Variants in ARL14EP observed in about 807,000 individuals in gnomAD.
ARL14EP encodes the protein ARF like GTPase 14 effector protein, also known as ARL14 effector protein.
ARL14EP carries 12 observed loss-of-function variants against 23.1 expected under a neutral mutation model. That is an observed-to-expected ratio of 0.52 (90% confidence interval 0.33 to 0.84). ARL14EP has a LOEUF of 0.84. ARL14EP is among the 40% of genes least tolerant of loss of function. The pLI is 0.02. For missense variants in ARL14EP, 253 were observed against 307.3 expected, an observed-to-expected ratio of 0.82 and a Z score of 1.32; for synonymous variants, 97 against 102.0, an observed-to-expected ratio of 0.95 and a Z score of 0.29.
chr11:30,336,418 G>C, intron 3 of ARL14EP, 149 bp from the exon 4 acceptor site: 2 of 709,116 alleles, frequency 2.8e-6, no homozygotes, highest in Non-Finnish European at 4.7e-6. Context: ...GCTGACGATA[G>C]AATAAGCCTT....
rs534678558 is a variant in ARL14EP, at chr11:30,334,154, TTATTAATGA to T, written c.554+1162_554+1170del. Among the ~76,000 whole-genome samples the T allele has an allele frequency of 2.6e-5, 4 of 151,458 alleles. No individual in the cohort carries two copies. The South Asian group carries it at 8.4e-4, about 32-fold the overall frequency. ...TAAAAGTGCAAGGTGAAGCAGCAAG[TTATTAATGA>T]AGGTAGCTACACTACCCAACAGATT... On this transcript the variant is annotated intron_variant, in intron 3 of 3. Transcript: ENST00000282032.
intron 1 of ARL14EP, among the ~76,000 whole-genome samples, chr11:30,324,279 AC>A (rs992799364): frequency 1.3e-4 from 20 of 152,142 alleles, no homozygotes; most frequent in African/African-American, 4.8e-4. Context: ...TTTCATGAAA[AC>A]TTTTTTTATG....
chr11:30,333,548 G>A (rs931319845), intron 3 of ARL14EP, among the ~76,000 whole-genome samples: 1 of 152,128 alleles, frequency 6.6e-6, no homozygotes, highest in Non-Finnish European at 1.5e-5. Context: ...CCACACTAAT[G>A]CAAGGTGGTG....
At chr11:30,323,347 G>C (rs919134937) in intron 1 of ARL14EP, 145 bp downstream of exon 1, 11 of 152,512 alleles carry the variant, frequency 7.2e-5, no homozygotes, top group Admixed American at 2.0e-4. Context: ...ATTTCCAGCT[G>C]CTGGCCGGGG....
intron 1 of ARL14EP, among the ~76,000 whole-genome samples, chr11:30,326,968 A>G (rs1395867737): frequency 6.6e-6 from 1 of 152,240 alleles, no homozygotes; most frequent in Non-Finnish European, 1.5e-5. Flanking sequence ...CTGATCCTGT[A>G]AAGAAGTAAT....
intron 1 of ARL14EP, among the ~76,000 whole-genome samples, chr11:30,327,228 G>A (rs1329243883): frequency 1.3e-5 from 2 of 152,144 alleles, no homozygotes; most frequent in Non-Finnish European, 2.9e-5. Flanking sequence ...ACAAGTTACA[G>A]AGTCTATTCC....
intron 3 of ARL14EP, among the ~76,000 whole-genome samples, chr11:30,335,796 G>GTT (rs1947327198): frequency 9.2e-5 from 14 of 152,022 alleles, no homozygotes; most frequent in Admixed American, 7.9e-4. Context: ...GTGTGTGTGT[G>GTT]TGTGACTCAC....
At chr11:30,332,351 A>C (rs1010150613) in intron 2 of ARL14EP, among the ~76,000 whole-genome samples, 3 of 151,650 alleles carry the variant, frequency 2.0e-5, no homozygotes, top group African/African-American at 7.3e-5. Flanking sequence ...TGTAGAATAT[A>C]TCAGCTGCAG....
At position 30,336,932 on chromosome 11, in the gene ARL14EP, G is replaced by A; in HGVS notation, c.*137G>A. 1.2e-6 allele frequency: 1 copy of A among 828,096 alleles called. No individual in the cohort carries two copies. The highest frequency in any genetic ancestry group is 1.5e-5 in the South Asian group (1 of 65,598). The allele number at this position is 828,096 out of a possible 1,614,324, so 51.3% of individuals were successfully genotyped here. A position where few individuals can be genotyped will look rare whatever the true frequency, so the allele number is the denominator to read the frequency against. On this transcript the variant is annotated 3_prime_UTR_variant, in exon 4 of 4. Coordinates refer to ENST00000282032, the MANE Select transcript of ARL14EP (RefSeq NM_152316.3). ...AGTGTGCCCTAATTTTTCATCTTGG[G>A]TGCTTTAAGATTCACTATTTGATAT...
At chr11:30,324,839 A>G (rs1320348208) in intron 1 of ARL14EP, among the ~76,000 whole-genome samples, 1 of 152,226 alleles carries the variant, frequency 6.6e-6, no homozygotes, top group Non-Finnish European at 1.5e-5. Flanking sequence ...AGTATTCTAC[A>G]TTTATTTCAT....
In ARL14EP at chr11:30,331,035, G is replaced by A; in HGVS notation, c.87G>A (p.Lys29=). 1 of 1,613,870 alleles carries A rather than the reference G, an allele frequency of 6.2e-7. No individual in the cohort carries two copies. Among genetic ancestry groups the A allele is most frequent in the Non-Finnish European group, 8.5e-7 (1 of 1,179,818 alleles). The change falls in exon 2 of 4, where the codon AAG becomes AAA. Residue 29 remains lysine, a synonymous_variant. Coordinates refer to ENST00000282032, the MANE Select transcript of ARL14EP (RefSeq NM_152316.3). ...KTYYTRHTGF[K]TLQELSSNDM... ...ACTATACTCGTCACACAGGTTTTAA[G>A]ACTTTGCAAGAATTGTCATCAAATG... is the stretch of plus-strand genomic sequence containing the variant.
Position 30,329,845 on chromosome 11 carries a change from C to CTTTTT in ARL14EP, c.-63-1036_-63-1032dup, listed in dbSNP as rs199976286. The CTTTTT allele has an allele frequency of 5.3e-5, 8 of 150,900 alleles. 1 individual carries two copies. The South Asian group carries it at 8.5e-4, about 16-fold the overall frequency. The allele number at this position is 150,900 out of a possible 1,614,324, so 9.3% of individuals were successfully genotyped here. ...AATAATCCTAACACCTTTCAAGTGT[C>CTTTTT]TTTTTTTTTCTCCTTTAGTTATACA... On this transcript the variant is annotated intron_variant, in intron 1 of 3. Coordinates refer to ENST00000282032, the MANE Select transcript of ARL14EP (RefSeq NM_152316.3).
At chr11:30,329,269 G>A (rs1166198394) in intron 1 of ARL14EP, 2 of 152,002 alleles carry the variant, frequency 1.3e-5, no homozygotes, top group Non-Finnish European at 2.9e-5. Context: ...ATTTATTCAT[G>A]TTGATTCACG....
At chr11:30,324,595 T>A (rs1947223234) in intron 1 of ARL14EP, among the ~76,000 whole-genome samples, 1 of 152,252 alleles carries the variant, frequency 6.6e-6, no homozygotes, top group Non-Finnish European at 1.5e-5. Context: ...CCTGTGATAA[T>A]GTCCTAGACC....
chr11:30,330,433 T>G (rs950642650), intron 1 of ARL14EP: 3 of 156,222 alleles, frequency 1.9e-5, no homozygotes, highest in African/African-American at 7.2e-5. Flanking sequence ...CTCCATGATA[T>G]ATAGCTGCAT....
At chr11:30,327,865 A>G (rs1409397241) in intron 1 of ARL14EP, among the ~76,000 whole-genome samples, 1 of 150,830 alleles carries the variant, frequency 6.6e-6, no homozygotes, top group African/African-American at 2.4e-5. Flanking sequence ...AGTCCCAGCT[A>G]CTCTGGAGGC....
chr11:30,337,054 C>A lies in ARL14EP; in HGVS notation c.*259C>A. 1 of 419,548 alleles carries A rather than the reference C, an allele frequency of 2.4e-6. No homozygotes were observed. The highest frequency in any genetic ancestry group is 4.6e-5 in the East Asian group (1 of 21,968). 26.0% of individuals were successfully genotyped at this position (419,548 alleles called of 1,614,324 possible). A position where few individuals can be genotyped will look rare whatever the true frequency, so the allele number is the denominator to read the frequency against. On this transcript the variant is annotated 3_prime_UTR_variant, in exon 4 of 4. Coordinates refer to ENST00000282032, the MANE Select transcript of ARL14EP (RefSeq NM_152316.3). ...GGCAGTCCTCTATTTGCATGTTTCC[C>A]ATGGGCACAAATTTCAGTGACCTAG... is the stretch of plus-strand genomic sequence containing the variant.
Position 30,323,197 on chromosome 11 carries a change from G to A in ARL14EP, c.-69G>A, listed in dbSNP as rs1413052244. ...CGAAGCCGGGCGGAGGAGAGCTCAA[G>A]CTAAGGTGGAAGGGGAACGGGGGAG... is the stretch of plus-strand genomic sequence containing the variant. On this transcript the variant is annotated 5_prime_UTR_variant, in exon 1 of 4. Transcript: ENST00000282032. 6.5e-6 allele frequency: 1 copy of A among 153,184 alleles called. No homozygotes were observed. The highest frequency in any genetic ancestry group is 1.5e-5 in the Non-Finnish European group (1 of 68,860). The allele number at this position is 153,184 out of a possible 1,614,324, so 9.5% of individuals were successfully genotyped here. A position where few individuals can be genotyped will look rare whatever the true frequency, so the allele number is the denominator to read the frequency against.
intron 1 of ARL14EP, among the ~76,000 whole-genome samples, chr11:30,324,234 T>G (rs974620870): frequency 6.6e-6 from 1 of 152,200 alleles, no homozygotes; most frequent in Non-Finnish European, 1.5e-5. Flanking sequence ...TAAGACCCTA[T>G]GCCAAGAAAA....
Sources: allele counts gnomAD v4.1 joint callset (sites outside exome capture counted in the v4.1 genomes callset), GRCh38; gene constraint gnomAD v4.1.1; transcripts MANE v1.5; gene names NCBI Gene and HGNC (gene_info 2026-07-23, HGNC 2026-07-21).